COL18A1: variants seen among roughly 807,000 people sequenced by gnomAD.
The protein encoded by COL18A1 is collagen type XVIII alpha 1 chain.
Under a neutral mutation model 168.0 loss-of-function variants are expected in COL18A1, and 133 were observed. That is an observed-to-expected ratio of 0.79 (90% confidence interval 0.69 to 0.91). The LOEUF (loss-of-function observed/expected upper bound fraction) is 0.91, where lower values mean the gene tolerates loss of function less well. Among genes scored for constraint, COL18A1 ranks in the 40% least tolerant of loss-of-function variants. The pLI is 0.00. For missense variants in COL18A1, 2,126 were observed against 1,925.4 expected, an observed-to-expected ratio of 1.10 and a Z score of -1.95; for synonymous variants, 949 against 809.0, an observed-to-expected ratio of 1.17 and a Z score of -2.94.
chr21:45,441,838 G>C (rs891799363), intron 2 of COL18A1, among the ~76,000 whole-genome samples: 1 of 152,190 alleles, frequency 6.6e-6, no homozygotes, highest in Admixed American at 6.5e-5. Flanking sequence ...ACGCTGCTGG[G>C]AACACGGCTC....
rs9985095 is a variant in COL18A1, at chr21:45,507,498, A to T, written c.3217-63A>T. On this transcript the variant is annotated intron_variant, in intron 37 of 41. Transcript: ENST00000651438. ...GGGGCGGGAGAGTCGGGTGCTGGGC[A>T]GGGAGGGCACCCTGGCTCAGGCCCA... The T allele has an allele frequency of 1.3e-3, 620 of 495,560 alleles. 1 individual carries two copies. Among genetic ancestry groups the T allele is most frequent in the African/African-American group, 4.1e-3 (79 of 19,094 alleles). The allele number at this position is 495,560 out of a possible 1,614,324, so 30.7% of individuals were successfully genotyped here.
chr21:45,485,261 A>C (rs2036070825), intron 15 of COL18A1, among the ~76,000 whole-genome samples: 1 of 145,304 alleles, frequency 6.9e-6, no homozygotes, highest in Admixed American at 7.2e-5. Context: ...TCGGCCTCCC[A>C]AAGTGCTGGG....
At position 45,510,972 on chromosome 21, in the gene COL18A1, AACAC is replaced by A; in HGVS notation, c.3694-138_3694-135del. 2 of 8,008 alleles carry A rather than the reference AACAC, an allele frequency of 2.5e-4. 1 individual carries two copies. Among genetic ancestry groups the A allele is most frequent in the East Asian group, 9.4e-3 (2 of 212 alleles). 0.5% of individuals were successfully genotyped at this position (8,008 alleles called of 1,614,324 possible). ...CCACAACACCCCACATACACCCCCA[AACAC>A]CCCCCACACCCCACACACACAACAC... On this transcript the variant is annotated intron_variant, in intron 40 of 41. Transcript: ENST00000651438.
In COL18A1 at chr21:45,477,507, C is replaced by T. The variant is rs756253056; in HGVS notation, c.1005+20C>T. ...AAAGAGGTAAGGCCACCTCCCTGTG[C>T]TCCTGAACCATTCTGAACCAGAGCA... On this transcript the variant is annotated intron_variant, in intron 7 of 41. Transcript: ENST00000651438. The T allele has an allele frequency of 3.1e-6, 5 of 1,593,012 alleles. No individual in the cohort carries two copies. In the South Asian group the frequency reaches 4.5e-5, roughly 14 times the overall value.
chr21:45,484,919 A>G (rs2838942), intron 15 of COL18A1, among the ~76,000 whole-genome samples: 23,536 of 152,246 alleles, frequency 0.15, 2,663 homozygotes, highest in African/African-American at 0.32. Context: ...GTCAAGTAAC[A>G]TGAATGAGAA....
At chr21:45,436,624 C>T (rs1238698157) in intron 2 of COL18A1, among the ~76,000 whole-genome samples, 1 of 148,130 alleles carries the variant, frequency 6.8e-6, no homozygotes, top group Admixed American at 6.7e-5. Flanking sequence ...TGCCCCACCC[C>T]TGCAGCCCTG....
At chr21:45,412,169 C>G (rs552542919) in intron 2 of COL18A1, among the ~76,000 whole-genome samples, 1 of 151,386 alleles carries the variant, frequency 6.6e-6, no homozygotes, top group East Asian at 1.9e-4. Context: ...TCCTATTTTG[C>G]GTACTTTTAT....
intron 3 of COL18A1, among the ~76,000 whole-genome samples, chr21:45,472,406 G>A (rs2035470104): frequency 6.6e-6 from 1 of 152,156 alleles, no homozygotes; most frequent in Non-Finnish European, 1.5e-5. Context: ...TGTATTATTA[G>A]TAGAGACGGG....
chr21:45,474,636 A>G (rs2035573308), intron 4 of COL18A1, among the ~76,000 whole-genome samples: 2 of 149,858 alleles, frequency 1.3e-5, no homozygotes, highest in Non-Finnish European at 3.0e-5. Context: ...AGAATCCCCC[A>G]GCCCCAGGTG....
intron 18 of COL18A1, among the ~76,000 whole-genome samples, chr21:45,488,690 A>ATCTT (rs2036198731): frequency 6.6e-6 from 1 of 152,150 alleles, no homozygotes; most frequent in African/African-American, 2.4e-5. Context: ...CCAGGAATCA[A>ATCTT]GATTCCTGGG....
At chr21:45,502,441 C>G (rs1441665235) in intron 32 of COL18A1, 2 of 152,096 alleles carry the variant, frequency 1.3e-5, no homozygotes, top group Non-Finnish European at 1.5e-5. Flanking sequence ...TGTTAAAGAA[C>G]AAACAGCATT....
Position 45,509,442 on chromosome 21 carries a change from C to A in COL18A1, c.3336C>A (p.Thr1112=). 3 of 1,534,274 alleles carry A rather than the reference C, an allele frequency of 2.0e-6. No homozygotes were observed. Among genetic ancestry groups the A allele is most frequent in the Non-Finnish European group, 2.6e-6 (3 of 1,142,064 alleles). The change falls in exon 39 of 42, where the codon ACC becomes ACA. Residue 1112 remains threonine (T), a synonymous_variant. Coordinates refer to ENST00000651438, the MANE Select transcript of COL18A1 (RefSeq NM_001379500.1). ...CGCGGCGGGAGCACCCCCACCCCAC[C>A]GCGCGGCCCTGGCGGGCAGATGACA... ...PYPRREHPHP[T]ARPWRADDIL...
At chr21:45,476,786 T>C (rs1195787460) in intron 6 of COL18A1, among the ~76,000 whole-genome samples, 1 of 150,972 alleles carries the variant, frequency 6.6e-6, no homozygotes, top group Non-Finnish European at 1.5e-5. Flanking sequence ...TGTGGTGTGG[T>C]GTGTGTGTTG....
At chr21:45,510,356 GAGGCC>G (rs1568953072) in intron 40 of COL18A1, 95 bp downstream of exon 40, 3 of 1,365,310 alleles carry the variant, frequency 2.2e-6, no homozygotes, top group Non-Finnish European at 3.1e-6. Context: ...AGGGCCTCTG[GAGGCC>G]ACCATGTTAC....
intron 5 of COL18A1, 69 bp from the exon 6 acceptor site, chr21:45,476,282 C>T (rs1301686981): frequency 1.9e-6 from 3 of 1,607,008 alleles, no homozygotes; most frequent in Non-Finnish European, 2.5e-6. Context: ...TTTCATTTCA[C>T]AAACCAAGCA....
intron 2 of COL18A1, among the ~76,000 whole-genome samples, chr21:45,450,377 A>G (rs1043418457): frequency 3.9e-5 from 6 of 152,288 alleles, no homozygotes; most frequent in Admixed American, 2.0e-4. Context: ...GAGGCAGCCC[A>G]GAGCCACCCG....
intron 2 of COL18A1, among the ~76,000 whole-genome samples, chr21:45,413,917 G>A (rs1406317819): frequency 6.6e-6 from 1 of 152,220 alleles, no homozygotes; most frequent in Admixed American, 6.5e-5. Context: ...CTTATGGAGT[G>A]AGCTGGTCCA....
intron 2 of COL18A1, among the ~76,000 whole-genome samples, chr21:45,439,460 G>A (rs2034307774): frequency 6.6e-6 from 1 of 152,258 alleles, no homozygotes; most frequent in Non-Finnish European, 1.5e-5. Flanking sequence ...TGTGCGTTAC[G>A]TTCATCATAA....
At chr21:45,456,322 G>A (rs1691419858) in intron 2 of COL18A1, 1 of 1,550,922 alleles carries the variant, frequency 6.4e-7, no homozygotes, top group Non-Finnish European at 8.7e-7. Flanking sequence ...CGCCACTTCT[G>A]CACCCCCTGG....
Sources: allele counts gnomAD v4.1 joint callset (sites outside exome capture counted in the v4.1 genomes callset), GRCh38; gene constraint gnomAD v4.1.1; transcripts MANE v1.5; gene names NCBI Gene and HGNC (gene_info 2026-07-23, HGNC 2026-07-21).